GON4L: variants seen among roughly 807,000 people sequenced by gnomAD.
GON4L encodes gon-4 like.
Under a neutral mutation model 211.8 loss-of-function variants are expected in GON4L, and 87 were observed. The observed-to-expected ratio is 0.41, with a 90% CI of 0.35 to 0.49. GON4L has a LOEUF of 0.49. GON4L is among the 20% of genes least tolerant of loss of function. The pLI is 0.15. For synonymous variants in GON4L, 875 were observed against 962.6 expected (o/e 0.91, Z 1.68); for missense variants, 2,155 against 2,659.5 (o/e 0.81, Z 4.17).
chr1:155,806,047 G>A (rs1015802706), intron 10 of GON4L, among the ~76,000 whole-genome samples: 27 of 149,046 alleles, frequency 1.8e-4, no homozygotes, highest in African/African-American at 6.4e-4. Context: ...TACAGCACTG[G>A]CACAATCAGA....
At position 155,853,687 on chromosome 1, in the gene GON4L, C is replaced by A. The variant is rs776616010; in HGVS notation, c.94G>T (p.Val32Phe). The change falls in exon 2 of 32, where the codon GTT (valine) becomes TTT (phenylalanine). Residue 32 changes from valine (V) to phenylalanine (F), a missense_variant. Physicochemically the swap from Val to Phe is conservative, Grantham distance 50 (BLOSUM62 -1). Transcript: ENST00000368331. ...TTAACCTGGTCAGATTCTGGTTTAA[C>A]GGCTGATTCTAGGTCTACGTTGTTT... Reference protein sequence around the residue: ...EENNVDLESAVKPESDQVKDL... With the variant: ...EENNVDLESAFKPESDQVKDL... The A allele has an allele frequency of 1.2e-6, 2 of 1,613,310 alleles. No individual in the cohort carries two copies. Among genetic ancestry groups the A allele is most frequent in the South Asian group, 1.1e-5 (1 of 91,070 alleles).
chr1:155,817,962 A>G (rs184533315), intron 6 of GON4L, among the ~76,000 whole-genome samples: 2 of 151,488 alleles, frequency 1.3e-5, no homozygotes, highest in Admixed American at 1.3e-4. Context: ...AAGAAGCAAG[A>G]GACCTACATT....
At chr1:155,824,774 A>AAT (rs1158273890) in intron 3 of GON4L, among the ~76,000 whole-genome samples, 1 of 151,394 alleles carries the variant, frequency 6.6e-6, no homozygotes. Flanking sequence ...AAAAAAAAAA[A>AAT]AAAAAAGAAG....
intron 29 of GON4L, 137 bp from the exon 30 acceptor site, chr1:155,752,727 G>A: frequency 1.5e-6 from 2 of 1,368,794 alleles, no homozygotes; most frequent in Non-Finnish European, 2.0e-6. Context: ...CACCTATAAT[G>A]TCCGCACTTT....
downstream of GON4L, chr1:155,748,578 A>G: frequency 6.8e-6 from 11 of 1,613,522 alleles, no homozygotes; most frequent in Non-Finnish European, 7.6e-6. Flanking sequence ...AAAATGTCCT[A>G]TAACGTGTTC....
chr1:155,852,803 T>G (rs1297751997), intron 2 of GON4L, among the ~76,000 whole-genome samples: 1 of 150,378 alleles, frequency 6.6e-6, no homozygotes, highest in Non-Finnish European at 1.5e-5. Context: ...GAAAAGAAAG[T>G]CTATATCCAT....
Position 155,805,127 on chromosome 1 carries a change from A to G in GON4L, c.1467T>C (p.Ser489=), listed in dbSNP as rs748188310. ...CMDSFQPMDD[S]LIAFRTRSKM... is the part of the protein sequence containing the mutation. ...TAGAACGCGTTCGAAATGCAATGAG[A>G]CTGTCATCCATGGGCTGGACAATGG... The change falls in exon 11 of 32, where the codon AGT becomes AGC. Residue 489 remains serine, a synonymous_variant. Coordinates refer to ENST00000368331, the MANE Select transcript of GON4L (RefSeq NM_001282860.2). The G allele has an allele frequency of 6.2e-7, 1 of 1,612,956 alleles. No individual in the cohort carries two copies. The highest frequency in any genetic ancestry group is 8.5e-7 in the Non-Finnish European group (1 of 1,178,928).
intron 2 of GON4L, among the ~76,000 whole-genome samples, chr1:155,846,970 G>A (rs531216276): frequency 3.5e-4 from 53 of 152,128 alleles, no homozygotes; most frequent in Non-Finnish European, 5.7e-4. Context: ...ATTGCACTAC[G>A]GCCTGGGAAA....
intron 27 of GON4L, 35 bp from the exon 28 acceptor site, chr1:155,754,523 TG>T (rs375097359): frequency 6.9e-4 from 685 of 998,598 alleles, no homozygotes; most frequent in Middle Eastern, 1.8e-3. Context: ...GCTGCCAAGT[TG>T]TTTTTTTTTT....
downstream of GON4L, chr1:155,747,897 G>A (rs766795951): frequency 2.5e-6 from 4 of 1,570,188 alleles, no homozygotes; most frequent in Non-Finnish European, 3.5e-6. Flanking sequence ...CCATCGTGGG[G>A]TGAGTGGAAC....
rs796631050 is a variant in GON4L at position 155,792,545 on chromosome 1, A to G, written c.1747+2505T>C. Among the ~76,000 whole-genome samples, 6 of 152,342 alleles carry G rather than the reference A, an allele frequency of 3.9e-5. 1 individual carries two copies. Among genetic ancestry groups the G allele is most frequent in the African/African-American group, 1.4e-4 (6 of 41,578 alleles). Reference sequence around the variant, plus strand: ...CAATTATGAGGTGATCAGTATATAAAAGGACAAAAAGAGTGGTACGGGAAT... The same window carrying G: ...CAATTATGAGGTGATCAGTATATAAGAGGACAAAAAGAGTGGTACGGGAAT... On this transcript the variant is annotated intron_variant, in intron 12 of 31. Transcript: ENST00000368331.
chr1:155,857,247 G>T (rs1345783971), upstream of GON4L: 2 of 152,474 alleles, frequency 1.3e-5, no homozygotes, highest in Non-Finnish European at 2.9e-5. Flanking sequence ...GAGCCTCGGA[G>T]CGCCGCGCCG....
rs1284233760 is a variant in GON4L at position 155,767,446 on chromosome 1, G to C, written c.2742C>G (p.His914Gln). 4 of 1,613,534 alleles carry C rather than the reference G, an allele frequency of 2.5e-6. No individual in the cohort carries two copies. The highest frequency in any genetic ancestry group is 3.4e-6 in the Non-Finnish European group (4 of 1,179,708). The change falls in exon 20 of 32, where the codon CAC becomes CAG. Residue 914 changes from histidine (H) to glutamine (Q), a missense_variant. Transcript: ENST00000368331. ...GTACCTTTAACCAGAATGGGAGCCG[G>C]TGTTCTTCTCTCTCTATAGGTGGCT... The part of the protein sequence containing the change: ...QWKPPIEREE[H>Q]RLPFWLKASL...
At chr1:155,821,824 G>A (rs550521917) in intron 4 of GON4L, among the ~76,000 whole-genome samples, 36 of 152,310 alleles carry the variant, frequency 2.4e-4, no homozygotes, top group Non-Finnish European at 4.1e-4. Context: ...AGATCCTGAG[G>A]TAAGTAACTA....
intron 14 of GON4L, among the ~76,000 whole-genome samples, chr1:155,778,028 C>T (rs1427262135): frequency 6.6e-6 from 1 of 152,160 alleles, no homozygotes; most frequent in Non-Finnish European, 1.5e-5. Flanking sequence ...TTCTATATTA[C>T]ACTCTATCCC....
chr1:155,775,742 A>G (rs536562702), intron 16 of GON4L, among the ~76,000 whole-genome samples: 137 of 152,186 alleles, frequency 9.0e-4, no homozygotes, highest in African/African-American at 3.2e-3. Flanking sequence ...TACAGGCACA[A>G]GTCACCGCAC....
intron 12 of GON4L, among the ~76,000 whole-genome samples, chr1:155,790,814 C>T (rs1030618058): frequency 1.3e-5 from 2 of 150,636 alleles, no homozygotes; most frequent in African/African-American, 2.4e-5. Flanking sequence ...CATGGTGGCG[C>T]GTGACTATAA....
rs369218937 is a variant in GON4L at position 155,795,155 on chromosome 1, G to C, written c.1646-4C>G. 2 of 1,515,688 alleles carry C rather than the reference G, an allele frequency of 1.3e-6. No individual in the cohort carries two copies. The highest frequency in any genetic ancestry group is 9.2e-7 in the Non-Finnish European group (1 of 1,090,716). The allele number at this position is 1,515,688 out of a possible 1,614,324, so 93.9% of individuals were successfully genotyped here. On this transcript the variant is annotated splice_region_variant and splice_polypyrimidine_tract_variant and intron_variant, in intron 11 of 31. Transcript: ENST00000368331. ...TCATCATCATCATCTGCTTCATCTA[G>C]GAAAAAAAAGTGTTTCAGATGCTCA... is the stretch of plus-strand genomic sequence containing the variant.
intron 31 of GON4L, 94 bp downstream of exon 31, chr1:155,751,673 T>C: frequency 1.2e-6 from 1 of 823,622 alleles, no homozygotes; most frequent in Non-Finnish European, 2.1e-6. Context: ...CCACTTATTA[T>C]CTTGGATATC....
Sources: allele counts gnomAD v4.1 joint callset (sites outside exome capture counted in the v4.1 genomes callset), GRCh38; gene constraint gnomAD v4.1.1; transcripts MANE v1.5; gene names NCBI Gene and HGNC (gene_info 2026-07-23, HGNC 2026-07-21).